Variants in GPATCH2 observed in about 807,000 individuals in gnomAD.
GPATCH2 encodes G patch domain-containing protein 2.
A neutral mutation model predicts 58.0 loss-of-function variants in GPATCH2; 51 were observed. The ratio of observed to expected loss-of-function variants is 0.88; its 90% CI spans 0.70 to 1.11. The LOEUF is 1.11. GPATCH2 is among the 50% of genes most tolerant of loss of function. The probability of loss-of-function intolerance (pLI) is 0.00; values close to 1 mark genes in which losing one functional copy is unlikely to be tolerated. For synonymous variants in GPATCH2, 222 were observed against 218.5 expected (o/e 1.02, Z -0.14); for missense variants, 625 against 652.2 (o/e 0.96, Z 0.45).
intron 8 of GPATCH2, among the ~76,000 whole-genome samples, chr1:217,481,494 T>C (rs1420866675): frequency 6.6e-6 from 1 of 152,196 alleles, no homozygotes; most frequent in Non-Finnish European, 1.5e-5. Context: ...TGTATTTTGT[T>C]ATAAGTTTAT....
chr1:217,437,975 T>A (rs1558391547), intron 9 of GPATCH2, among the ~76,000 whole-genome samples: 1 of 152,130 alleles, frequency 6.6e-6, no homozygotes, highest in Admixed American at 6.5e-5. Flanking sequence ...AGACACCTCA[T>A]ACAGGAGAGC....
At chr1:217,585,569 G>A (rs1431085616) in intron 5 of GPATCH2, among the ~76,000 whole-genome samples, 2 of 152,052 alleles carry the variant, frequency 1.3e-5, no homozygotes. Context: ...GTAGTTAGCC[G>A]AGATCACGCC....
chr1:217,553,152 G>GA, intron 5 of GPATCH2, among the ~76,000 whole-genome samples: 1 of 151,908 alleles, frequency 6.6e-6, no homozygotes, highest in East Asian at 1.9e-4. Flanking sequence ...AAAATCAACA[G>GA]AAAAAAAGTA....
intron 5 of GPATCH2, among the ~76,000 whole-genome samples, chr1:217,547,129 C>T (rs574081438): frequency 5.9e-5 from 9 of 152,064 alleles, no homozygotes; most frequent in East Asian, 1.9e-4. Context: ...TTAGGGAGGC[C>T]GAGGCAGGCA....
chr1:217,574,103 AT>A (rs1417512667), intron 5 of GPATCH2, among the ~76,000 whole-genome samples: 1 of 152,252 alleles, frequency 6.6e-6, no homozygotes, highest in African/African-American at 2.4e-5. Context: ...AATAACGATT[AT>A]TCTTAGAAGT....
chr1:217,443,355 TTC>T (rs1659235802), intron 9 of GPATCH2, among the ~76,000 whole-genome samples: 2 of 152,292 alleles, frequency 1.3e-5, no homozygotes, highest in Admixed American at 6.5e-5. Context: ...TTTGGAAATA[TTC>T]TCTCTTACAT....
In GPATCH2 at chr1:217,514,998, A is replaced by G. The variant is rs942021651; in HGVS notation, c.1099-109T>C. The G allele has an allele frequency of 4.7e-5, 31 of 658,246 alleles. 1 individual carries two copies. The East Asian group carries it at 6.9e-4, about 15-fold the overall frequency. The allele number at this position is 658,246 out of a possible 1,614,324, so 40.8% of individuals were successfully genotyped here. A position where few individuals can be genotyped will look rare whatever the true frequency, so the allele number is the denominator to read the frequency against. On this transcript the variant is annotated intron_variant, in intron 5 of 9. Transcript: ENST00000366935. ...GACATCACTCTAAAATGGAGAATAC[A>G]AGATTTTCAAATCTCAGACAACACT... is the stretch of plus-strand genomic sequence containing the variant.
At chr1:217,532,806 G>A (rs1175899158) in intron 5 of GPATCH2, among the ~76,000 whole-genome samples, 4 of 151,986 alleles carry the variant, frequency 2.6e-5, no homozygotes, top group South Asian at 2.1e-4. Context: ...AAGGGAAGAT[G>A]GGTACAATGT....
chr1:217,484,635 G>A (rs1039117818), intron 8 of GPATCH2, among the ~76,000 whole-genome samples: 3 of 148,218 alleles, frequency 2.0e-5, no homozygotes, highest in East Asian at 2.0e-4. Flanking sequence ...ATATGCACAC[G>A]TGTATACATA....
chr1:217,462,617 C>T (rs1558409351), intron 8 of GPATCH2, among the ~76,000 whole-genome samples: 1 of 152,108 alleles, frequency 6.6e-6, no homozygotes, highest in Non-Finnish European at 1.5e-5. Flanking sequence ...AGAATATCTA[C>T]CTCATAGGGT....
chr1:217,442,403 A>ATGG (rs1446356084), intron 9 of GPATCH2, among the ~76,000 whole-genome samples: 3 of 152,302 alleles, frequency 2.0e-5, no homozygotes, highest in African/African-American at 7.2e-5. Flanking sequence ...TGACAGGTTG[A>ATGG]TGGGTACAGC....
intron 5 of GPATCH2, among the ~76,000 whole-genome samples, chr1:217,600,506 C>T (rs2102790654): frequency 6.6e-6 from 1 of 152,206 alleles, no homozygotes; most frequent in Admixed American, 6.5e-5. Flanking sequence ...TGATTTTGAA[C>T]TTTTCTGATA....
intron 8 of GPATCH2, among the ~76,000 whole-genome samples, chr1:217,468,107 C>A (rs1660544995): frequency 6.6e-6 from 1 of 152,122 alleles, no homozygotes; most frequent in Non-Finnish European, 1.5e-5. Flanking sequence ...CTCTTGCTTT[C>A]CCTACATGAT....
chr1:217,626,177 G>T (rs1669444278), intron 1 of GPATCH2, among the ~76,000 whole-genome samples: 1 of 152,084 alleles, frequency 6.6e-6, no homozygotes, highest in Non-Finnish European at 1.5e-5. Context: ...TAAGTTACCT[G>T]GTGTTAAGTA....
intron 5 of GPATCH2, 23 bp from the exon 6 acceptor site, chr1:217,514,912 A>C: frequency 5.1e-6 from 6 of 1,170,436 alleles, no homozygotes; most frequent in Non-Finnish European, 7.7e-6. Flanking sequence ...TTAAAAAGAA[A>C]AAATAAATTT....
At chr1:217,461,006 C>A (rs1049518659) in intron 8 of GPATCH2, among the ~76,000 whole-genome samples, 5 of 152,106 alleles carry the variant, frequency 3.3e-5, no homozygotes, top group Non-Finnish European at 7.4e-5. Context: ...CTTTGCTTGT[C>A]GTGCAAAGTA....
chr1:217,482,627 T>C (rs1661263424), intron 8 of GPATCH2, among the ~76,000 whole-genome samples: 1 of 152,088 alleles, frequency 6.6e-6, no homozygotes, highest in Admixed American at 6.6e-5. Flanking sequence ...ACATCACATA[T>C]AGTCTTGTAG....
At chr1:217,628,673 T>C (rs1204829047) in intron 1 of GPATCH2, among the ~76,000 whole-genome samples, 8 of 125,852 alleles carry the variant, frequency 6.4e-5, no homozygotes, top group East Asian at 4.5e-4. Flanking sequence ...CAAAGCCACA[T>C]AATAAAGTTA....
chr1:217,629,131 T>A (rs1012954321), intron 1 of GPATCH2, among the ~76,000 whole-genome samples: 1 of 151,976 alleles, frequency 6.6e-6, no homozygotes, highest in Non-Finnish European at 1.5e-5. Context: ...CTGGAATTTA[T>A]TACTGGGATC....
Sources: gnomAD v4.1 joint callset for allele counts (sites outside exome capture counted in the v4.1 genomes callset) on GRCh38, gnomAD v4.1.1 for gene constraint, MANE v1.5 for transcripts, NCBI Gene and HGNC (gene_info 2026-07-23, HGNC 2026-07-21) for gene names.